DPP10: variants seen among roughly 807,000 people sequenced by gnomAD.
DPP10 encodes dipeptidyl peptidase like 10.
In DPP10, 33 loss-of-function variants were observed where a neutral mutation model predicts 120.9. The ratio of observed to expected loss-of-function variants is 0.27; its 90% confidence interval spans 0.21 to 0.37. The LOEUF is 0.37. DPP10 is among the 10% of genes least tolerant of loss of function. DPP10 has a pLI of 1.00. For synonymous variants in DPP10, 337 were observed against 326.1 expected, an observed-to-expected ratio of 1.03 and a Z score of -0.36; for missense variants, 816 against 942.8, an observed-to-expected ratio of 0.87 and a Z score of 1.76.
intron 1 of DPP10, among the ~76,000 whole-genome samples, chr2:114,892,357 T>A (rs1692612101): frequency 6.6e-6 from 1 of 152,122 alleles, no homozygotes; most frequent in Non-Finnish European, 1.5e-5. Context: ...CCAGTTAGAT[T>A]TCATATGCCA....
At chr2:114,664,619 T>C (rs1448302437) in intron 1 of DPP10, among the ~76,000 whole-genome samples, 3 of 114,608 alleles carry the variant, frequency 2.6e-5, no homozygotes, top group African/African-American at 7.0e-5. Flanking sequence ...ACAGCGAGAC[T>C]CCGTCTCAAA....
At chr2:115,815,037 T>C in intron 20 of DPP10, 50 bp downstream of exon 20, 2 of 1,533,262 alleles carry the variant, frequency 1.3e-6, no homozygotes, top group Non-Finnish European at 1.8e-6. Context: ...GACAGAGTCT[T>C]GGTATATGAC....
chr2:115,830,676 T>C (rs965882282), intron 21 of DPP10, among the ~76,000 whole-genome samples: 6 of 151,874 alleles, frequency 4.0e-5, no homozygotes, highest in African/African-American at 1.5e-4. Context: ...TTCCAAAAAG[T>C]AAAGAAGAGA....
At position 114,905,702 on chromosome 2, in the gene DPP10, A is replaced by G. The variant is rs903561487; in HGVS notation, c.61-403537A>G. Among the ~76,000 whole-genome samples the G allele has an allele frequency of 3.3e-5, 5 of 152,162 alleles. 1 individual carries two copies. Among genetic ancestry groups the G allele is most frequent in the Non-Finnish European group, 7.4e-5 (5 of 68,022 alleles). ...TTACTGGGTAGGTACCCAAAGGAAT[A>G]TAAATCATTCTATTTTTTTATTTTT... On this transcript the variant is annotated intron_variant, in intron 1 of 25. Transcript: ENST00000410059.
intron 1 of DPP10, among the ~76,000 whole-genome samples, chr2:114,990,777 C>T (rs1419435130): frequency 1.3e-5 from 2 of 152,242 alleles, no homozygotes; most frequent in Non-Finnish European, 2.9e-5. Flanking sequence ...ATAGTTTCTA[C>T]TCCTTCTTTA....
At chr2:114,815,785 C>A (rs571158352) in intron 1 of DPP10, among the ~76,000 whole-genome samples, 2 of 152,128 alleles carry the variant, frequency 1.3e-5, no homozygotes, top group South Asian at 4.2e-4. Flanking sequence ...AAATATCTCT[C>A]ATTTTTCAAG....
At chr2:114,949,167 C>A (rs1056919356) in intron 1 of DPP10, among the ~76,000 whole-genome samples, 13 of 152,216 alleles carry the variant, frequency 8.5e-5, no homozygotes, top group African/African-American at 3.1e-4. Context: ...TTGTGATGCA[C>A]CCGCCTCGGC....
At chr2:115,188,947 A>C (rs1014685143) in intron 1 of DPP10, among the ~76,000 whole-genome samples, 1 of 152,216 alleles carries the variant, frequency 6.6e-6, no homozygotes, top group Non-Finnish European at 1.5e-5. Context: ...ATCTATACAA[A>C]TGCAATACTT....
At chr2:114,448,766 A>AT (rs1208610725) in intron 1 of DPP10, among the ~76,000 whole-genome samples, 2 of 152,180 alleles carry the variant, frequency 1.3e-5, no homozygotes, top group Admixed American at 6.5e-5. Flanking sequence ...AGTAACATGA[A>AT]TTCTGTGACA....
intron 1 of DPP10, among the ~76,000 whole-genome samples, chr2:115,242,899 C>T (rs2058355279): frequency 1.3e-5 from 2 of 152,018 alleles, no homozygotes; most frequent in South Asian, 4.1e-4. Context: ...ATTTTAACAA[C>T]TAGCTTGAAA....
In DPP10 at chr2:115,519,645, A is replaced by G. The variant is rs559346970; in HGVS notation, c.367-6253A>G. 1.8e-4 allele frequency among the ~76,000 whole-genome samples: 28 copies of G among 152,280 alleles called. No homozygotes were observed. The South Asian group carries it at 5.6e-3, about 30-fold the overall frequency. ...TGTTTACAGCTAAATTATAAAAGCTATTTGCTTCTTTTCTGTTCTTAAATC... is the reference window on the plus strand; with the variant it reads ...TGTTTACAGCTAAATTATAAAAGCTGTTTGCTTCTTTTCTGTTCTTAAATC... On this transcript the variant is annotated intron_variant, in intron 4 of 25. Coordinates refer to ENST00000410059, the MANE Select transcript of DPP10 (RefSeq NM_020868.6).
intron 3 of DPP10, among the ~76,000 whole-genome samples, chr2:115,479,778 C>T (rs754907717): frequency 1.3e-5 from 2 of 152,044 alleles, no homozygotes; most frequent in Non-Finnish European, 2.9e-5. Context: ...TGCTGAGGTT[C>T]GAAGTTGGGT....
intron 19 of DPP10, among the ~76,000 whole-genome samples, chr2:115,792,177 T>C (rs768663167): frequency 1.3e-5 from 2 of 152,162 alleles, no homozygotes; most frequent in Non-Finnish European, 2.9e-5. Flanking sequence ...TTATTAGCTG[T>C]GTGTCCTTGG....
intron 1 of DPP10, among the ~76,000 whole-genome samples, chr2:114,578,639 A>C (rs1690248263): frequency 6.6e-6 from 1 of 152,218 alleles, no homozygotes; most frequent in Admixed American, 6.5e-5. Flanking sequence ...CAGCAAAATC[A>C]GCACACTGAC....
In DPP10 at chr2:115,844,896, C is replaced by G. The variant is rs1042991549; in HGVS notation, c.*2551C>G. ...GCCTTCATTAAGATCTCCAAATACTCAGAGACTAAGCAGGCTATTCTCATC... is the reference window on the plus strand; with the variant it reads ...GCCTTCATTAAGATCTCCAAATACTGAGAGACTAAGCAGGCTATTCTCATC... On this transcript the variant is annotated 3_prime_UTR_variant, in exon 26 of 26. Coordinates refer to ENST00000410059, the MANE Select transcript of DPP10 (RefSeq NM_020868.6). 2.6e-5 allele frequency: 4 copies of G among 152,150 alleles called. No homozygotes were observed. Among genetic ancestry groups the G allele is most frequent in the Non-Finnish European group, 5.9e-5 (4 of 68,022 alleles). 9.4% of individuals were successfully genotyped at this position (152,150 alleles called of 1,614,324 possible).
At chr2:115,286,526 A>ATATAATATATATAT (rs10675008) in intron 1 of DPP10, among the ~76,000 whole-genome samples, 1 of 60,946 alleles carries the variant, frequency 1.6e-5, no homozygotes, top group Admixed American at 2.2e-4. Context: ...ATATATATAT[A>ATATAATATATATAT]ATATATATAT....
At chr2:115,777,904 G>A in intron 15 of DPP10, 70 bp downstream of exon 15, 1 of 1,506,558 alleles carries the variant, frequency 6.6e-7, no homozygotes, top group Non-Finnish European at 9.1e-7. Context: ...CATAAGGAAG[G>A]AAAGGAAAAA....
chr2:115,074,043 G>T (rs1707588895), intron 1 of DPP10, among the ~76,000 whole-genome samples: 1 of 152,132 alleles, frequency 6.6e-6, no homozygotes, highest in Non-Finnish European at 1.5e-5. Flanking sequence ...ATAGAGTCTT[G>T]CTCTGTTTTC....
At chr2:115,807,456 G>T (rs1310213432) in intron 19 of DPP10, among the ~76,000 whole-genome samples, 2 of 152,134 alleles carry the variant, frequency 1.3e-5, no homozygotes, top group African/African-American at 4.8e-5. Context: ...AAGGCTTTCA[G>T]TTTTTGGATT....
Sources: gnomAD v4.1 joint callset for allele counts (sites outside exome capture counted in the v4.1 genomes callset) on GRCh38, gnomAD v4.1.1 for gene constraint, MANE v1.5 for transcripts, NCBI Gene and HGNC (gene_info 2026-07-23, HGNC 2026-07-21) for gene names.